The following CTH variants were observed in gnomAD, a reference collection of about 807,000 sequenced individuals.
The protein encoded by CTH is cystathionine gamma-lyase.
Under a neutral mutation model 50.6 loss-of-function variants are expected in CTH, and 41 were observed. The observed-to-expected ratio is 0.81, with a 90% CI of 0.63 to 1.05. The LOEUF (loss-of-function observed/expected upper bound fraction) is 1.05, where lower values mean the gene tolerates loss of function less well. Ranked by LOEUF, CTH falls within the 50% of genes least tolerant of loss-of-function variation. The pLI is 0.00. For missense variants in CTH, 470 were observed against 492.6 expected, an observed-to-expected ratio of 0.95 and a Z score of 0.43; for synonymous variants, 156 against 168.9, an observed-to-expected ratio of 0.92 and a Z score of 0.59.
intron 10 of CTH, among the ~76,000 whole-genome samples, chr1:70,437,808 G>C (rs774565692): frequency 6.6e-6 from 1 of 152,172 alleles, no homozygotes; most frequent in Non-Finnish European, 1.5e-5. Context: ...GATTTTGCTG[G>C]TGGTGTGCAG....
chr1:70,429,505 G>T (rs997974014), intron 5 of CTH, among the ~76,000 whole-genome samples: 9 of 152,132 alleles, frequency 5.9e-5, no homozygotes, highest in African/African-American at 2.2e-4. Flanking sequence ...GTCAGCAATT[G>T]CTATAAAGAA....
chr1:70,438,417 G>A (rs1435582524), intron 10 of CTH, among the ~76,000 whole-genome samples: 1 of 152,142 alleles, frequency 6.6e-6, no homozygotes, highest in East Asian at 1.9e-4. Context: ...CTACTGCATG[G>A]GGGTACTTGA....
intron 9 of CTH, 25 bp downstream of exon 9, chr1:70,433,974 AT>A: frequency 6.2e-7 from 1 of 1,612,540 alleles, no homozygotes; most frequent in Non-Finnish European, 8.5e-7. Flanking sequence ...TAGGTTTAAA[AT>A]TGTAGGAGGT....
intron 10 of CTH, among the ~76,000 whole-genome samples, chr1:70,437,629 T>C (rs1684625939): frequency 6.6e-6 from 1 of 152,206 alleles, no homozygotes; most frequent in Non-Finnish European, 1.5e-5. Flanking sequence ...GTACACACTC[T>C]TTTAAGGAAT....
chr1:70,433,818 A>C lies in CTH; in HGVS notation c.878-10A>C. 1 of 1,613,028 alleles carries C rather than the reference A, an allele frequency of 6.2e-7. No homozygotes were observed. The highest frequency in any genetic ancestry group is 8.5e-7 in the Non-Finnish European group (1 of 1,179,362). Reference sequence around the variant, plus strand: ...TCTAAAATAAGACTTATGATACCTTATGATTACAGGGCTGCCCTCTCATCC... The same window carrying C: ...TCTAAAATAAGACTTATGATACCTTCTGATTACAGGGCTGCCCTCTCATCC... On this transcript the variant is annotated splice_polypyrimidine_tract_variant and intron_variant, in intron 8 of 11. Coordinates refer to ENST00000370938, the MANE Select transcript of CTH (RefSeq NM_001902.6).
chr1:70,436,874 T>C (rs1684609735), intron 10 of CTH, among the ~76,000 whole-genome samples: 1 of 152,158 alleles, frequency 6.6e-6, no homozygotes, highest in African/African-American at 2.4e-5. Flanking sequence ...AAAATAAATC[T>C]CTCCTGATTT....
intron 9 of CTH, among the ~76,000 whole-genome samples, chr1:70,434,242 C>T (rs532712786): frequency 1.1e-4 from 17 of 152,272 alleles, no homozygotes; most frequent in South Asian, 4.1e-4. Context: ...GGTAAAACCT[C>T]GAAGTAGTGT....
intron 11 of CTH, 66 bp downstream of exon 11, chr1:70,438,892 G>A: frequency 1.2e-6 from 2 of 1,604,554 alleles, no homozygotes; most frequent in Admixed American, 1.7e-5. Context: ...GGGCATGGGG[G>A]GTCACTATAT....
In CTH at chr1:70,433,911, A is replaced by G. The variant is rs746104765; in HGVS notation, c.961A>G (p.Thr321Ala). 6.2e-7 allele frequency: 1 copy of G among 1,614,042 alleles called. No homozygotes were observed. The highest frequency in any genetic ancestry group is 1.7e-5 in the Admixed American group (1 of 60,000). Residue 321 changes from threonine (T) to alanine (A), a missense_variant, in exon 9 of 12, where the codon ACT (threonine) becomes GCT (alanine). Thr to Ala is a moderately conservative substitution (Grantham distance 58, BLOSUM62 0). Transcript: ENST00000370938. ...GATGGTCACCTTTTATATTAAGGGC[A>G]CTCTTCAGCATGCTGAGATTTTCCT... Reference protein sequence around the residue: ...TGMVTFYIKGTLQHAEIFLKN... With the variant: ...TGMVTFYIKGALQHAEIFLKN...
intron 5 of CTH, 90 bp downstream of exon 5, chr1:70,424,506 A>T: frequency 6.3e-7 from 1 of 1,586,402 alleles, no homozygotes; most frequent in South Asian, 1.1e-5. Context: ...TAAAATCATG[A>T]TCAAATTCAT....
intron 8 of CTH, among the ~76,000 whole-genome samples, chr1:70,433,068 C>T (rs1466729108): frequency 6.6e-6 from 1 of 152,100 alleles, no homozygotes; most frequent in African/African-American, 2.4e-5. Flanking sequence ...GTGGAGTTGG[C>T]TGACTTACAT....
chr1:70,437,953 G>T (rs1233950485), intron 10 of CTH, among the ~76,000 whole-genome samples: 2 of 152,162 alleles, frequency 1.3e-5, no homozygotes, highest in Non-Finnish European at 2.9e-5. Context: ...GTTTGGCATT[G>T]TTTATATAGA....
chr1:70,433,249 A>C (rs1186865458), intron 8 of CTH, among the ~76,000 whole-genome samples: 1 of 152,234 alleles, frequency 6.6e-6, no homozygotes, highest in Admixed American at 6.5e-5. Context: ...AGCGAAATAC[A>C]TATGAAACTA....
chr1:70,411,762 A>G (rs1423145406), intron 1 of CTH, 179 bp downstream of exon 1: 1 of 851,338 alleles, frequency 1.2e-6, no homozygotes, highest in African/African-American at 1.8e-5. Context: ...CAGTGATCGT[A>G]TTTCTTTTGA....
At chr1:70,438,284 C>G (rs1286037556) in intron 10 of CTH, among the ~76,000 whole-genome samples, 1 of 152,186 alleles carries the variant, frequency 6.6e-6, no homozygotes, top group African/African-American at 2.4e-5. Context: ...ATGACAGGCT[C>G]TTGGTCCAAG....
intron 6 of CTH, among the ~76,000 whole-genome samples, chr1:70,430,053 A>G (rs1050039725): frequency 6.6e-6 from 1 of 152,260 alleles, no homozygotes; most frequent in Non-Finnish European, 1.5e-5. Flanking sequence ...GAAGAGGATT[A>G]AAGTTGGCCA....
intron 3 of CTH, among the ~76,000 whole-genome samples, chr1:70,418,538 C>T (rs1471943133): frequency 6.6e-6 from 1 of 152,192 alleles, no homozygotes; most frequent in Non-Finnish European, 1.5e-5. Context: ...GCGCGAGCCG[C>T]CTCACCTGGC....
rs556782740 is a variant in CTH, at chr1:70,433,864, G to A, written c.914G>A (p.Arg305His). Residue 305 changes from arginine (R) to histidine (H), a missense_variant, in exon 9 of 12, where the codon CGT becomes CAT. Transcript: ENST00000370938. ...CATCCACAGCATGAGTTGGTGAAGC[G>A]TCAGTGTACAGGTTGTACAGGGATG... The part of the protein sequence containing the change: ...PSHPQHELVK[R>H]QCTGCTGMVT... 3.3e-5 allele frequency: 54 copies of A among 1,614,036 alleles called. No homozygotes were observed. Among genetic ancestry groups the A allele is most frequent in the Admixed American group, 3.0e-4 (18 of 60,016 alleles).
intron 3 of CTH, among the ~76,000 whole-genome samples, chr1:70,420,634 C>T (rs892516727): frequency 2.6e-5 from 4 of 152,118 alleles, no homozygotes; most frequent in Non-Finnish European, 1.5e-5. Context: ...GGGTTGGGGA[C>T]CCCTGCTTTA....
Sources: allele counts gnomAD v4.1 joint callset (sites outside exome capture counted in the v4.1 genomes callset), GRCh38; gene constraint gnomAD v4.1.1; transcripts MANE v1.5; gene names NCBI Gene and HGNC (gene_info 2026-07-23, HGNC 2026-07-21).